THSD4: variants seen among roughly 807,000 people sequenced by gnomAD.
THSD4 encodes the protein thrombospondin type-1 domain-containing protein 4.
In THSD4, 69 loss-of-function variants were observed where a neutral mutation model predicts 119.0. The observed-to-expected ratio is 0.58, with a 90% CI of 0.48 to 0.71. The LOEUF (loss-of-function observed/expected upper bound fraction) is 0.71, where lower values mean the gene tolerates loss of function less well. Ranked by LOEUF, THSD4 falls within the 30% of genes least tolerant of loss-of-function variation. The pLI, the probability that THSD4 is intolerant of heterozygous loss-of-function variation, is 0.00. For synonymous variants in THSD4, 524 were observed against 540.4 expected, an observed-to-expected ratio of 0.97 and a Z score of 0.42; for missense variants, 1,393 against 1,391.1, an observed-to-expected ratio of 1.00 and a Z score of -0.02.
intron 6 of THSD4, among the ~76,000 whole-genome samples, chr15:71,410,797 C>T (rs946786450): frequency 5.3e-5 from 8 of 152,024 alleles, no homozygotes; most frequent in South Asian, 2.1e-4. Context: ...TTTGGGAGGC[C>T]GAGGTGGGCG....
Position 71,656,044 on chromosome 15 carries a change from T to C in THSD4, c.1153-4486T>C, listed in dbSNP as rs558805216. ...TTCCATTATTCCAAACTGTTTTTCC[T>C]GATAAATGACATCAGCTAGTGATTA... is the stretch of plus-strand genomic sequence containing the variant. On this transcript the variant is annotated intron_variant, in intron 7 of 17. Coordinates refer to ENST00000261862, the MANE Select transcript of THSD4 (RefSeq NM_024817.3). 4.7e-4 allele frequency among the ~76,000 whole-genome samples: 72 copies of C among 152,344 alleles called. No individual in the cohort carries two copies. The South Asian group carries it at 0.015, about 32-fold the overall frequency.
At chr15:71,677,481 C>A (rs2051676900) in intron 8 of THSD4, among the ~76,000 whole-genome samples, 1 of 152,206 alleles carries the variant, frequency 6.6e-6, no homozygotes, top group Non-Finnish European at 1.5e-5. Context: ...TTTAGCACTC[C>A]TGGACTTACT....
intron 6 of THSD4, among the ~76,000 whole-genome samples, chr15:71,355,977 G>C (rs7183735): frequency 0.56 from 84,947 of 151,772 alleles, 23,979 homozygotes; most frequent in East Asian, 0.74. Context: ...CAGCGATTCT[G>C]CTGCCTCAAC....
chr15:71,410,217 A>C (rs1034267335), intron 6 of THSD4, among the ~76,000 whole-genome samples: 3 of 152,200 alleles, frequency 2.0e-5, no homozygotes, highest in African/African-American at 7.2e-5. Context: ...TTTGTTTAGC[A>C]TTTACTATGC....
intron 3 of THSD4, among the ~76,000 whole-genome samples, chr15:71,199,700 G>GGTGTGTGTGA (rs2043767140): frequency 1.4e-4 from 2 of 13,944 alleles, no homozygotes; most frequent in Non-Finnish European, 2.6e-4. Flanking sequence ...GGTGTGTGTG[G>GGTGTGTGTGA]TGTCTGGGTG....
intron 4 of THSD4, among the ~76,000 whole-genome samples, chr15:71,221,952 G>T (rs969342769): frequency 6.6e-6 from 1 of 152,130 alleles, no homozygotes; most frequent in Non-Finnish European, 1.5e-5. Flanking sequence ...TGGGTGTGGG[G>T]TGGTATCTCA....
chr15:71,746,845 A>G lies in THSD4; in HGVS notation c.2044A>G (p.Ile682Val), dbSNP rs771340401. ...NIFPCPAFWD[I>V]GEWSECSKTC... ...CTCTCATTCCTGAACCAGCTGGGACATCGGGGAGTGGTCTGAGTGCAGCAA... is the reference window on the plus strand; with the variant it reads ...CTCTCATTCCTGAACCAGCTGGGACGTCGGGGAGTGGTCTGAGTGCAGCAA... Residue 682 changes from isoleucine to valine, a missense_variant, in exon 13 of 18, where the codon ATC becomes GTC. Physicochemically the swap from Ile to Val is conservative, Grantham distance 29. Coordinates refer to ENST00000261862, the MANE Select transcript of THSD4 (RefSeq NM_024817.3). 4.3e-6 allele frequency: 7 copies of G among 1,613,732 alleles called. No homozygotes were observed. The highest frequency in any genetic ancestry group is 3.3e-5 in the Admixed American group (2 of 60,006).
chr15:71,591,935 C>T (rs2049815534), intron 7 of THSD4, among the ~76,000 whole-genome samples: 1 of 151,946 alleles, frequency 6.6e-6, no homozygotes, highest in Non-Finnish European at 1.5e-5. Flanking sequence ...TGACAGGCAC[C>T]ATGTCGTGTT....
chr15:71,459,380 G>GTCTCTCTGTCTCTCTC (rs1555416117), intron 7 of THSD4, among the ~76,000 whole-genome samples: 3 of 137,704 alleles, frequency 2.2e-5, no homozygotes, highest in Admixed American at 7.2e-5. Flanking sequence ...CTGTCTCTCT[G>GTCTCTCTGTCTCTCTC]TCTCTCTCTC....
At chr15:71,451,754 C>G (rs2047268623) in intron 7 of THSD4, among the ~76,000 whole-genome samples, 1 of 152,166 alleles carries the variant, frequency 6.6e-6, no homozygotes, top group Non-Finnish European at 1.5e-5. Context: ...CTCCAGGTCC[C>G]TTCTCTTCCC....
intron 7 of THSD4, among the ~76,000 whole-genome samples, chr15:71,494,111 A>G (rs2047971145): frequency 6.6e-6 from 1 of 152,236 alleles, no homozygotes; most frequent in Non-Finnish European, 1.5e-5. Context: ...CAAGGAAATT[A>G]GGCATACCAA....
intron 5 of THSD4, among the ~76,000 whole-genome samples, chr15:71,247,161 G>A (rs1335345668): frequency 6.6e-6 from 1 of 151,972 alleles, no homozygotes; most frequent in Non-Finnish European, 1.5e-5. Context: ...GCCTCCCAAA[G>A]TGCTGTGATA....
At chr15:71,110,077 TCAAA>T (rs2040292590) in intron 1 of THSD4, among the ~76,000 whole-genome samples, 5 of 152,178 alleles carry the variant, frequency 3.3e-5, no homozygotes, top group Admixed American at 2.6e-4. Flanking sequence ...CTGATTAGCC[TCAAA>T]CAGAGAAGCT....
chr15:71,453,199 A>T (rs182424331), intron 7 of THSD4, among the ~76,000 whole-genome samples: 320 of 152,264 alleles, frequency 2.1e-3, no homozygotes, highest in African/African-American at 7.4e-3. Context: ...TCTTTTATGG[A>T]AACCTGAGCA....
At chr15:71,164,392 G>C (rs2043272196) in intron 3 of THSD4, among the ~76,000 whole-genome samples, 1 of 142,160 alleles carries the variant, frequency 7.0e-6, no homozygotes, top group Non-Finnish European at 1.5e-5. Flanking sequence ...TGCAATTACA[G>C]AGTGGTATTC....
intron 4 of THSD4, among the ~76,000 whole-genome samples, chr15:71,217,317 C>T (rs997925138): frequency 2.6e-5 from 4 of 152,092 alleles, no homozygotes; most frequent in Non-Finnish European, 5.9e-5. Context: ...AGCCTGATAT[C>T]GGTTAAGATC....
In THSD4 at chr15:71,622,642, T is replaced by C. The variant is rs2050437968; in HGVS notation, c.1153-37888T>C. On this transcript the variant is annotated intron_variant, in intron 7 of 17. Transcript: ENST00000261862. ...AATCTACTTTTTATTACCCTCTTTT[T>C]GTAAATTTTAATGATGTGAAAAGCA... Among the ~76,000 whole-genome samples, 3 of 152,336 alleles carry C rather than the reference T, an allele frequency of 2.0e-5. No individual in the cohort carries two copies. The South Asian group carries it at 6.2e-4, about 32-fold the overall frequency.
In THSD4 at chr15:71,154,890, A is replaced by G; in HGVS notation, c.57A>G (p.Gly19=). 6.2e-7 allele frequency: 1 copy of G among 1,613,944 alleles called. No individual in the cohort carries two copies. Among genetic ancestry groups the G allele is most frequent in the Non-Finnish European group, 8.5e-7 (1 of 1,180,000 alleles). ...TCCTGTGTTTCCTTCTGCTGCTTGGATTCCAGTTCGTCTGCCCACAGCCCT... is the reference window on the plus strand; with the variant it reads ...TCCTGTGTTTCCTTCTGCTGCTTGGGTTCCAGTTCGTCTGCCCACAGCCCT... ...LSVLCFLLLL[G]FQFVCPQPST... The change falls in exon 3 of 18, where the codon GGA becomes GGG. Residue 19 remains glycine (G), a synonymous_variant. Transcript: ENST00000261862.
intron 7 of THSD4, among the ~76,000 whole-genome samples, chr15:71,447,351 C>T (rs2047199502): frequency 6.6e-6 from 1 of 152,024 alleles, no homozygotes; most frequent in Non-Finnish European, 1.5e-5. Flanking sequence ...GATCTCTTGA[C>T]CTCGTGATCC....
Sources: gnomAD v4.1 joint callset for allele counts (sites outside exome capture counted in the v4.1 genomes callset) on GRCh38, gnomAD v4.1.1 for gene constraint, MANE v1.5 for transcripts, NCBI Gene and HGNC (gene_info 2026-07-23, HGNC 2026-07-21) for gene names.